CMSS1: variants seen among roughly 807,000 people sequenced by gnomAD.
CMSS1 encodes cms1 ribosomal small subunit homolog.
Under a neutral mutation model 43.5 loss-of-function variants are expected in CMSS1, and 33 were observed. The observed-to-expected ratio is 0.76, with a 90% CI of 0.57 to 1.01. The LOEUF (loss-of-function observed/expected upper bound fraction) is 1.01. CMSS1 is among the 50% of genes least tolerant of loss of function. The probability of loss-of-function intolerance (pLI) is 0.00; values close to 1 mark genes in which losing one functional copy is unlikely to be tolerated. For synonymous variants in CMSS1, 115 were observed against 117.2 expected (o/e 0.98, Z 0.12); for missense variants, 313 against 326.4 (o/e 0.96, Z 0.32).
rs1442427209 is a variant in CMSS1, at chr3:99,983,446, GTA to G, written c.65-163515_65-163514del. The stretch of plus-strand genomic sequence containing the variant: ...TATGTATGTATGTATATATATGTAT[GTA>G]TATATATATATGTGTGTATATATAT... On this transcript the variant is annotated intron_variant, in intron 1 of 9. Coordinates refer to ENST00000421999, the MANE Select transcript of CMSS1 (RefSeq NM_032359.4). Among the ~76,000 whole-genome samples the G allele has an allele frequency of 1.2e-3, 109 of 87,778 alleles. 2 individuals carry two copies. Among genetic ancestry groups the G allele is most frequent in the Admixed American group, 4.1e-3 (31 of 7,528 alleles). The allele number at this position is 87,778 out of a possible 152,430, so 57.6% of individuals were successfully genotyped here.
intron 1 of CMSS1, chr3:99,850,550 T>C (rs1002188910): frequency 6.2e-7 from 1 of 1,613,834 alleles, no homozygotes; most frequent in Non-Finnish European, 8.5e-7. Context: ...ACACGTTTCC[T>C]GAGCTCTTCC....
At chr3:99,990,935 G>A (rs1709492159) in intron 1 of CMSS1, among the ~76,000 whole-genome samples, 1 of 152,106 alleles carries the variant, frequency 6.6e-6, no homozygotes, top group African/African-American at 2.4e-5. Flanking sequence ...CTTCCCTCAA[G>A]TAGCTTAAAC....
intron 1 of CMSS1, chr3:99,898,748 A>C (rs1213443057): frequency 6.8e-6 from 1 of 147,438 alleles, no homozygotes. Flanking sequence ...CCTCGGCAGC[A>C]GAGCTAGACT....
intron 1 of CMSS1, among the ~76,000 whole-genome samples, chr3:100,074,227 T>A (rs1040609953): frequency 6.6e-6 from 1 of 152,220 alleles, no homozygotes. Flanking sequence ...ACAGCCCCCC[T>A]GGGCCTCCAG....
intron 1 of CMSS1, among the ~76,000 whole-genome samples, chr3:99,927,145 A>T (rs543308089): frequency 6.6e-6 from 1 of 152,194 alleles, no homozygotes; most frequent in Non-Finnish European, 1.5e-5. Flanking sequence ...GCTTTTTTCA[A>T]TGCCAAGACC....
At chr3:99,920,965 A>G (rs951793058) in intron 1 of CMSS1, among the ~76,000 whole-genome samples, 2 of 152,184 alleles carry the variant, frequency 1.3e-5, no homozygotes, top group Non-Finnish European at 2.9e-5. Flanking sequence ...TCAGAGTTTC[A>G]ACCAGATACC....
intron 3 of CMSS1, among the ~76,000 whole-genome samples, 178 bp from the exon 4 acceptor site, chr3:100,162,125 A>G (rs1488969148): frequency 1.3e-5 from 2 of 152,240 alleles, no homozygotes; most frequent in African/African-American, 4.8e-5. Context: ...TTTCAAAGCA[A>G]TAGTTATGTC....
chr3:100,057,377 A>T (rs1159849933), intron 1 of CMSS1, among the ~76,000 whole-genome samples: 1 of 152,206 alleles, frequency 6.6e-6, no homozygotes, highest in Non-Finnish European at 1.5e-5. Context: ...AATACTCATT[A>T]TATCATCAAG....
chr3:99,893,576 A>T (rs913252916), intron 1 of CMSS1, among the ~76,000 whole-genome samples: 1 of 152,154 alleles, frequency 6.6e-6, no homozygotes, highest in Admixed American at 6.5e-5. Flanking sequence ...TTTTTAAGGT[A>T]TGAGGTTTTA....
intron 2 of CMSS1, among the ~76,000 whole-genome samples, chr3:100,151,457 C>A (rs1212623502): frequency 2.0e-5 from 3 of 152,160 alleles, no homozygotes; most frequent in African/African-American, 7.2e-5. Context: ...TGGATGCCGG[C>A]ACGTCTCAAT....
At chr3:99,958,224 T>G (rs1347166389) in intron 1 of CMSS1, among the ~76,000 whole-genome samples, 1 of 146,546 alleles carries the variant, frequency 6.8e-6, no homozygotes. Flanking sequence ...TTATTATTAT[T>G]ATTATTATTA....
In CMSS1 at chr3:100,146,947, T is replaced by A. The variant is rs377680383; in HGVS notation, c.65-26T>A. 1.9e-5 allele frequency: 30 copies of A among 1,607,842 alleles called. No homozygotes were observed. The Middle Eastern group carries it at 1.7e-3, about 89-fold the overall frequency. On this transcript the variant is annotated intron_variant, in intron 1 of 9. Transcript: ENST00000421999. ...TAGCAATGAGAGAGAGAGACTTTTC[T>A]GATTTTCAAACTTTATATTTTCTAG...
chr3:99,924,287 TTA>T, intron 1 of CMSS1: 2 of 1,614,122 alleles, frequency 1.2e-6, no homozygotes, highest in Non-Finnish European at 1.7e-6. Context: ...CATGTATTCT[TTA>T]TGTTTTCTCT....
intron 1 of CMSS1, among the ~76,000 whole-genome samples, chr3:100,126,046 T>C (rs2066659682): frequency 6.6e-6 from 1 of 152,246 alleles, no homozygotes; most frequent in African/African-American, 2.4e-5. Flanking sequence ...ATGATCTATG[T>C]ATTCCTATGC....
chr3:99,946,734 A>T (rs561866307), intron 1 of CMSS1, among the ~76,000 whole-genome samples: 1 of 152,314 alleles, frequency 6.6e-6, no homozygotes, highest in African/African-American at 2.4e-5. Context: ...TGGAGGCCTG[A>T]ATCCACAGTA....
At chr3:100,088,902 TG>T (rs1422360251) in intron 1 of CMSS1, among the ~76,000 whole-genome samples, 1 of 152,226 alleles carries the variant, frequency 6.6e-6, no homozygotes, top group Non-Finnish European at 1.5e-5. Flanking sequence ...TTTTTTGTTA[TG>T]TTTATTTTTT....
chr3:99,995,718 A>G (rs928143079), intron 1 of CMSS1, among the ~76,000 whole-genome samples: 2 of 152,174 alleles, frequency 1.3e-5, no homozygotes, highest in East Asian at 3.9e-4. Flanking sequence ...ACTTCTGTGC[A>G]CTCACAGGTT....
intron 1 of CMSS1, chr3:99,930,685 T>A: frequency 1.4e-6 from 2 of 1,436,972 alleles, no homozygotes; most frequent in Non-Finnish European, 1.9e-6. Flanking sequence ...ACCACAGATA[T>A]CTATTTCTGT....
At chr3:100,026,575 G>A (rs1473023114) in intron 1 of CMSS1, among the ~76,000 whole-genome samples, 1 of 152,054 alleles carries the variant, frequency 6.6e-6, no homozygotes, top group Non-Finnish European at 1.5e-5. Flanking sequence ...TTAAATGTTG[G>A]CAACTCTTTT....
Sources: gnomAD v4.1 joint callset for allele counts (sites outside exome capture counted in the v4.1 genomes callset) on GRCh38, gnomAD v4.1.1 for gene constraint, MANE v1.5 for transcripts, NCBI Gene and HGNC (gene_info 2026-07-23, HGNC 2026-07-21) for gene names.